RORA: variants seen among roughly 807,000 people sequenced by gnomAD.
RORA encodes the protein RAR related orphan receptor A, also known as nuclear receptor ROR-alpha.
A neutral mutation model predicts 69.5 loss-of-function variants in RORA; 7 were observed. The ratio of observed to expected loss-of-function variants is 0.10; its 90% CI spans 0.06 to 0.19. The LOEUF is 0.19. Among genes scored for constraint, RORA ranks in the 10% least tolerant of loss-of-function variants. RORA has a pLI of 1.00. For missense variants in RORA, 457 were observed against 663.0 expected, an observed-to-expected ratio of 0.69 and a Z score of 3.41; for synonymous variants, 261 against 240.8, an observed-to-expected ratio of 1.08 and a Z score of -0.78.
intron 1 of RORA, among the ~76,000 whole-genome samples, chr15:60,859,108 A>C (rs528836283): frequency 6.6e-6 from 1 of 151,028 alleles, no homozygotes; most frequent in South Asian, 2.1e-4. Context: ...TGCCTGAAAT[A>C]CTCTTGGTCT....
intron 1 of RORA, among the ~76,000 whole-genome samples, chr15:60,838,571 A>G (rs913861928): frequency 7.9e-5 from 12 of 152,132 alleles, no homozygotes; most frequent in African/African-American, 2.9e-4. Flanking sequence ...AGTTTTCTTT[A>G]GAAAAAAAAG....
At chr15:60,719,055 T>G (rs2071259163) in intron 1 of RORA, among the ~76,000 whole-genome samples, 1 of 48,946 alleles carries the variant, frequency 2.0e-5, no homozygotes, top group African/African-American at 9.7e-5. Context: ...TGTGTGTGTG[T>G]GTGGCATTTC....
At chr15:61,132,424 C>A (rs1317237330) in intron 1 of RORA, among the ~76,000 whole-genome samples, 1 of 151,966 alleles carries the variant, frequency 6.6e-6, no homozygotes, top group Non-Finnish European at 1.5e-5. Flanking sequence ...GTATAATTAC[C>A]CTTGACCCGA....
intron 1 of RORA, among the ~76,000 whole-genome samples, chr15:60,816,677 A>T (rs1340388802): frequency 6.6e-6 from 1 of 151,100 alleles, no homozygotes; most frequent in Non-Finnish European, 1.5e-5. Flanking sequence ...TGGCACATGT[A>T]TACATATGTA....
chr15:60,669,342 TG>T (rs376792753), intron 2 of RORA, among the ~76,000 whole-genome samples: 28,472 of 71,092 alleles, frequency 0.4, 3,545 homozygotes, highest in Admixed American at 0.56. Context: ...AGCGTTTTTT[TG>T]TTTGTTTGTT....
chr15:60,971,313 T>C (rs1397740315), intron 1 of RORA, among the ~76,000 whole-genome samples: 2 of 152,174 alleles, frequency 1.3e-5, no homozygotes, highest in Non-Finnish European at 2.9e-5. Flanking sequence ...TGTTCCCTCC[T>C]AGACAGTGAG....
At chr15:60,592,207 C>T (rs2068541484) in intron 2 of RORA, among the ~76,000 whole-genome samples, 1 of 151,932 alleles carries the variant, frequency 6.6e-6, no homozygotes, top group Non-Finnish European at 1.5e-5. Context: ...AGGCCGATCC[C>T]GTGGCCGGGC....
At chr15:60,614,083 CT>C (rs944140761) in intron 2 of RORA, among the ~76,000 whole-genome samples, 2 of 151,562 alleles carry the variant, frequency 1.3e-5, no homozygotes. Context: ...ATTTTTTTTC[CT>C]TTGTAAAATC....
intron 2 of RORA, chr15:60,592,478 CCGCCGCCG>C (rs2068557942): frequency 3.2e-5 from 43 of 1,350,532 alleles, no homozygotes; most frequent in Non-Finnish European, 3.8e-5. Context: ...GCCCCCTCTG[CCGCCGCCG>C]CGCCGCCGCC....
chr15:61,022,654 A>T (rs1286971089), intron 1 of RORA, among the ~76,000 whole-genome samples: 1 of 152,214 alleles, frequency 6.6e-6, no homozygotes, highest in African/African-American at 2.4e-5. Flanking sequence ...TCTTATTTCA[A>T]AAGTGGGTAA....
chr15:60,761,828 T>C (rs1385669329), intron 1 of RORA, among the ~76,000 whole-genome samples: 1 of 152,148 alleles, frequency 6.6e-6, no homozygotes, highest in Non-Finnish European at 1.5e-5. Context: ...TTATGCACGG[T>C]TCAGTTTCAA....
At chr15:61,142,901 A>G (rs2079313609) in intron 1 of RORA, among the ~76,000 whole-genome samples, 1 of 152,174 alleles carries the variant, frequency 6.6e-6, no homozygotes, top group African/African-American at 2.4e-5. Flanking sequence ...ATCAGCTCAA[A>G]AGCCTAAATC....
chr15:61,021,934 AT>A (rs1895547707), intron 1 of RORA, among the ~76,000 whole-genome samples: 1 of 152,198 alleles, frequency 6.6e-6, no homozygotes, highest in Non-Finnish European at 1.5e-5. Context: ...CATGAATGGT[AT>A]ATCACCTGGA....
rs974680190 is a variant in RORA at position 60,944,304 on chromosome 15, G to C, written c.167-265618C>G. On this transcript the variant is annotated intron_variant, in intron 1 of 10. Coordinates refer to ENST00000335670, the MANE Select transcript of RORA (RefSeq NM_134261.3). ...AGATCCTCCCATGCAACTAGAGCTA[G>C]AACCACTGGTCTAGACCCAGTTGGC... 8.5e-5 allele frequency among the ~76,000 whole-genome samples: 13 copies of C among 152,156 alleles called. 1 individual carries two copies. Among genetic ancestry groups the C allele is most frequent in the African/African-American group, 3.1e-4 (13 of 41,428 alleles).
chr15:61,177,377 T>C (rs1364180487), intron 1 of RORA, among the ~76,000 whole-genome samples: 1 of 152,188 alleles, frequency 6.6e-6, no homozygotes, highest in Admixed American at 6.5e-5. Context: ...AATATGTTTG[T>C]AATTTCAGTG....
intron 1 of RORA, among the ~76,000 whole-genome samples, chr15:61,219,122 C>T (rs1215183396): frequency 6.6e-6 from 1 of 152,218 alleles, no homozygotes; most frequent in Non-Finnish European, 1.5e-5. Flanking sequence ...TAGCCACAAG[C>T]TCACTGGTGG....
At chr15:61,039,287 G>C (rs1595904851) in intron 1 of RORA, among the ~76,000 whole-genome samples, 1 of 152,142 alleles carries the variant, frequency 6.6e-6, no homozygotes, top group African/African-American at 2.4e-5. Context: ...GGAAAAATCT[G>C]GCAAAATACA....
At chr15:61,047,092 TTC>T (rs1293165360) in intron 1 of RORA, among the ~76,000 whole-genome samples, 2 of 152,208 alleles carry the variant, frequency 1.3e-5, no homozygotes, top group Non-Finnish European at 2.9e-5. Flanking sequence ...CCTATAAGGA[TTC>T]TCTCTTTTTA....
At chr15:61,075,086 CAAA>C (rs879724406) in intron 1 of RORA, among the ~76,000 whole-genome samples, 2 of 112,002 alleles carry the variant, frequency 1.8e-5, no homozygotes, top group Admixed American at 8.9e-5. Flanking sequence ...GACTCTATCT[CAAA>C]AAAAAAAAAA....
Sources: gnomAD v4.1 joint callset for allele counts (sites outside exome capture counted in the v4.1 genomes callset) on GRCh38, gnomAD v4.1.1 for gene constraint, MANE v1.5 for transcripts, NCBI Gene and HGNC (gene_info 2026-07-23, HGNC 2026-07-21) for gene names.